Variants in SNX24 observed in about 807,000 individuals in gnomAD.
SNX24 encodes sorting nexin-24.
A neutral mutation model predicts 28.7 loss-of-function variants in SNX24; 22 were observed. That is an observed-to-expected ratio of 0.77 (90% CI 0.55 to 1.10). The LOEUF (loss-of-function observed/expected upper bound fraction) is 1.10, where lower values mean the gene tolerates loss of function less well. SNX24 is among the 50% of genes least tolerant of loss of function. The pLI, the probability that SNX24 is intolerant of heterozygous loss-of-function variation, is 0.00. For missense variants in SNX24, 221 were observed against 201.1 expected (o/e 1.10, Z -0.60); for synonymous variants, 69 against 71.5 (o/e 0.96, Z 0.18).
intron 2 of SNX24, among the ~76,000 whole-genome samples, chr5:122,940,054 G>T (rs1393112179): frequency 1.3e-5 from 2 of 151,266 alleles, no homozygotes; most frequent in East Asian, 1.9e-4. Flanking sequence ...AAGTGGCTCA[G>T]TCAGTCTCAG....
chr5:122,858,063 TTTTC>T (rs1755290606), intron 1 of SNX24, among the ~76,000 whole-genome samples: 1 of 152,170 alleles, frequency 6.6e-6, no homozygotes, highest in Admixed American at 6.6e-5. Context: ...TTACAGGACC[TTTTC>T]TTTATTTAGT....
At chr5:123,002,148 G>C in intron 6 of SNX24, 144 bp downstream of exon 6, 2 of 676,674 alleles carry the variant, frequency 3.0e-6, no homozygotes, top group Non-Finnish European at 5.3e-6. Context: ...TGGTATAAGC[G>C]ACACTTAGAA....
chr5:122,923,213 C>T (rs1162009152), intron 1 of SNX24, among the ~76,000 whole-genome samples: 14 of 151,876 alleles, frequency 9.2e-5, no homozygotes, highest in Non-Finnish European at 2.1e-4. Context: ...GTGGCATGTG[C>T]CTGTAGTCCC....
At chr5:122,852,287 C>G (rs1754958806) in intron 1 of SNX24, among the ~76,000 whole-genome samples, 1 of 151,516 alleles carries the variant, frequency 6.6e-6, no homozygotes, top group African/African-American at 2.4e-5. Context: ...AGAACAAGTC[C>G]GAGACACTGA....
At chr5:122,960,954 T>A (rs983908653) in intron 3 of SNX24, among the ~76,000 whole-genome samples, 1 of 152,258 alleles carries the variant, frequency 6.6e-6, no homozygotes, top group Non-Finnish European at 1.5e-5. Context: ...TAATGGTGTT[T>A]TCTCATCATT....
intron 5 of SNX24, among the ~76,000 whole-genome samples, chr5:123,014,207 C>T (rs1398154783): frequency 1.3e-5 from 2 of 152,048 alleles, no homozygotes; most frequent in Non-Finnish European, 2.9e-5. Flanking sequence ...CCCACTGTTG[C>T]CCAGGCTGGA....
At chr5:122,963,881 T>C (rs1282510303) in intron 3 of SNX24, among the ~76,000 whole-genome samples, 1 of 152,180 alleles carries the variant, frequency 6.6e-6, no homozygotes, top group Non-Finnish European at 1.5e-5. Context: ...AATACATATA[T>C]ATGCACATAT....
At chr5:122,897,642 A>G (rs758647653) in intron 1 of SNX24, among the ~76,000 whole-genome samples, 17 of 152,354 alleles carry the variant, frequency 1.1e-4, no homozygotes, top group Middle Eastern at 6.8e-3. Context: ...TTAACGTGCA[A>G]TGAATATGTG....
At chr5:122,995,782 C>T (rs1431815126) in intron 3 of SNX24, among the ~76,000 whole-genome samples, 2 of 152,142 alleles carry the variant, frequency 1.3e-5, no homozygotes, top group East Asian at 1.9e-4. Flanking sequence ...TGCCAACTTG[C>T]ATCCAGGAAT....
chr5:123,022,165 A>G (rs1172451358), intron 5 of SNX24: 1 of 152,168 alleles, frequency 6.6e-6, no homozygotes, highest in Non-Finnish European at 1.5e-5. Flanking sequence ...CCAAAAGTCA[A>G]ACTGGTACTT....
chr5:122,875,714 T>G (rs1224578307), intron 1 of SNX24, among the ~76,000 whole-genome samples: 1 of 152,210 alleles, frequency 6.6e-6, no homozygotes, highest in Non-Finnish European at 1.5e-5. Context: ...TAACAAATAG[T>G]TGTTACCATC....
intron 3 of SNX24, among the ~76,000 whole-genome samples, chr5:122,977,239 G>T (rs1056803826): frequency 2.6e-5 from 4 of 152,080 alleles, no homozygotes; most frequent in African/African-American, 7.2e-5. Flanking sequence ...TGTGGCTGTG[G>T]TCTTAAATGC....
chr5:122,945,980 C>T, intron 2 of SNX24, 75 bp from the exon 3 acceptor site: 1 of 733,828 alleles, frequency 1.4e-6, no homozygotes, highest in Non-Finnish European at 2.2e-6. Context: ...CCTTTTTTCC[C>T]CAAATAATAT....
intron 3 of SNX24, among the ~76,000 whole-genome samples, chr5:122,983,369 T>C (rs1298361891): frequency 3.3e-5 from 5 of 152,206 alleles, no homozygotes; most frequent in Admixed American, 6.5e-5. Context: ...TTTCTCTGTC[T>C]TAAGACACTT....
chr5:122,858,118 T>A (rs763408957), intron 1 of SNX24, among the ~76,000 whole-genome samples: 3 of 152,368 alleles, frequency 2.0e-5, no homozygotes, highest in Non-Finnish European at 4.4e-5. Flanking sequence ...ATGTCTTTGC[T>A]ATTGTGGATA....
chr5:123,007,864 A>T lies in SNX24; in HGVS notation c.*115A>T. 6.6e-7 allele frequency: 1 copy of T among 1,508,682 alleles called. No homozygotes were observed. Among genetic ancestry groups the T allele is most frequent in the Non-Finnish European group, 8.8e-7 (1 of 1,132,088 alleles). 93.5% of individuals were successfully genotyped at this position (1,508,682 alleles called of 1,614,324 possible). A position where few individuals can be genotyped will look rare whatever the true frequency, so the allele number is the denominator to read the frequency against. ...TATATAACAGCTCTAGCTAGTGGTA[A>T]AGTGCACAGTCCCAGCTTAATTCAG... is the stretch of plus-strand genomic sequence containing the variant. On this transcript the variant is annotated 3_prime_UTR_variant, in exon 7 of 7. Transcript: ENST00000261369.
intron 3 of SNX24, among the ~76,000 whole-genome samples, chr5:122,989,845 G>A (rs917421603): frequency 6.6e-6 from 1 of 152,162 alleles, no homozygotes; most frequent in Non-Finnish European, 1.5e-5. Context: ...AAGGGCTAGG[G>A]TACATATGTT....
chr5:122,920,192 C>T (rs1758373182), intron 1 of SNX24, among the ~76,000 whole-genome samples: 1 of 152,252 alleles, frequency 6.6e-6, no homozygotes, highest in South Asian at 2.1e-4. Flanking sequence ...GAGCAGAGGG[C>T]ATGTGGTGAA....
At chr5:122,997,684 C>T (rs13187952) in intron 3 of SNX24, among the ~76,000 whole-genome samples, 54,680 of 151,996 alleles carry the variant, frequency 0.36, 10,670 homozygotes, top group African/African-American at 0.46. Flanking sequence ...ATGGATGACA[C>T]GTCTAAAGAT....
Sources: allele counts gnomAD v4.1 joint callset (sites outside exome capture counted in the v4.1 genomes callset), GRCh38; gene constraint gnomAD v4.1.1; transcripts MANE v1.5; gene names NCBI Gene and HGNC (gene_info 2026-07-23, HGNC 2026-07-21).